Variants in WDFY4 observed in about 807,000 individuals in gnomAD.
WDFY4 encodes the protein WD repeat- and FYVE domain-containing protein 4.
Under a neutral mutation model 351.9 loss-of-function variants are expected in WDFY4, and 169 were observed. The ratio of observed to expected loss-of-function variants is 0.48; its 90% CI spans 0.42 to 0.55. WDFY4 has a LOEUF of 0.55. Ranked by LOEUF, WDFY4 falls within the 20% of genes least tolerant of loss-of-function variation. WDFY4 has a pLI of 0.00. For missense variants in WDFY4, 3,803 were observed against 3,935.6 expected (o/e 0.97, Z 0.90); for synonymous variants, 1,622 against 1,574.6 (o/e 1.03, Z -0.71).
chr10:48,957,067 T>G, intron 51 of WDFY4, 62 bp from the exon 52 acceptor site: 1 of 1,524,228 alleles, frequency 6.6e-7, no homozygotes, highest in South Asian at 1.2e-5. Context: ...GAATGGACGG[T>G]GCCTGGCCAG....
In WDFY4 at chr10:48,805,306, C is replaced by T. The variant is rs1240126749; in HGVS notation, c.4531C>T (p.Pro1511Ser). The T allele has an allele frequency of 2.6e-6, 4 of 1,547,554 alleles. No homozygotes were observed. Among genetic ancestry groups the T allele is most frequent in the Admixed American group, 2.0e-5 (1 of 50,976 alleles). Reference protein sequence around the residue: ...AEAAHQAQLIPKLIFLFNEPS... With the variant: ...AEAAHQAQLISKLIFLFNEPS... ...AGCTGCCCACCAGGCACAGCTTATA[C>T]CCAAGCTCATCTTCCTATTCAATGA... The change falls in exon 26 of 62, where the codon CCC (proline) becomes TCC (serine). Residue 1511 changes from proline (P) to serine (S), a missense_variant. Pro to Ser is a moderately conservative substitution (Grantham distance 74, BLOSUM62 -1). Coordinates refer to ENST00000325239, the MANE Select transcript of WDFY4 (RefSeq NM_001394531.1).
At chr10:48,818,963 C>T (rs1251390860) in intron 32 of WDFY4, among the ~76,000 whole-genome samples, 2 of 152,202 alleles carry the variant, frequency 1.3e-5, no homozygotes, top group Non-Finnish European at 2.9e-5. Context: ...AGGTTTTCTG[C>T]AGGGGTCCAG....
chr10:48,878,988 A>G (rs2620879), intron 43 of WDFY4, among the ~76,000 whole-genome samples: 9,132 of 152,334 alleles, frequency 0.06, 577 homozygotes, highest in African/African-American at 0.17. Context: ...ATTAAAATAT[A>G]TAACACATGT....
At position 48,982,545 on chromosome 10, in the gene WDFY4, G is replaced by A; in HGVS notation, c.9525G>A (p.Gly3175=). ...AACTCCTGGTTGGTGATGAGAGGGG[G>A]AGAATATTCTGCTGGTCTGCAGATG... The part of the protein sequence containing the change: ...HTKLLVGDER[G]RIFCWSADG Residue 3175 remains glycine, a synonymous_variant, in exon 62 of 62, where the codon GGG becomes GGA. Coordinates refer to ENST00000325239, the MANE Select transcript of WDFY4 (RefSeq NM_001394531.1). 1.2e-5 allele frequency: 19 copies of A among 1,541,130 alleles called. No homozygotes were observed. Among genetic ancestry groups the A allele is most frequent in the Non-Finnish European group, 1.7e-5 (19 of 1,140,276 alleles).
chr10:48,711,071 T>C (rs1456760124), intron 2 of WDFY4, among the ~76,000 whole-genome samples: 1 of 152,258 alleles, frequency 6.6e-6, no homozygotes, highest in Non-Finnish European at 1.5e-5. Context: ...CTATGGCAGA[T>C]GGAGGCTTTG....
At chr10:48,721,145 A>G in intron 3 of WDFY4, 116 bp from the exon 4 acceptor site, 1 of 961,302 alleles carries the variant, frequency 1.0e-6, no homozygotes, top group South Asian at 1.5e-5. Flanking sequence ...TGTAGGCAAG[A>G]TGCCAAAGTC....
chr10:48,958,324 A>G (rs2133826917), intron 52 of WDFY4, among the ~76,000 whole-genome samples: 1 of 152,330 alleles, frequency 6.6e-6, no homozygotes, highest in African/African-American at 2.4e-5. Context: ...AGAAGTGAAC[A>G]AATTCAAAGG....
chr10:48,811,737 C>A (rs566910274), intron 30 of WDFY4, 29 bp downstream of exon 30: 3 of 1,546,472 alleles, frequency 1.9e-6, no homozygotes, highest in East Asian at 4.9e-5. Context: ...CACAGGGTGA[C>A]ACACTTGGTT....
chr10:48,821,780 TC>T (rs1435922815), intron 34 of WDFY4, among the ~76,000 whole-genome samples: 1 of 152,198 alleles, frequency 6.6e-6, no homozygotes, highest in African/African-American at 2.4e-5. Flanking sequence ...ATGATCCTTC[TC>T]ATGGAGAGAC....
intron 6 of WDFY4, among the ~76,000 whole-genome samples, chr10:48,726,563 G>T (rs1342500971): frequency 6.6e-6 from 1 of 152,168 alleles, no homozygotes; most frequent in African/African-American, 2.4e-5. Flanking sequence ...AGGGGTTAAG[G>T]CCAAAGACTC....
chr10:48,938,941 C>T (rs948327503), intron 47 of WDFY4, among the ~76,000 whole-genome samples: 2 of 152,170 alleles, frequency 1.3e-5, no homozygotes, highest in African/African-American at 4.8e-5. Context: ...CCAATAAGGC[C>T]AGGCCGGGTA....
At chr10:48,772,933 A>T (rs1249494164) in intron 13 of WDFY4, among the ~76,000 whole-genome samples, 1 of 150,706 alleles carries the variant, frequency 6.6e-6, no homozygotes, top group East Asian at 2.0e-4. Context: ...CATTTTCTTA[A>T]TCCAGTCTAT....
intron 13 of WDFY4, among the ~76,000 whole-genome samples, chr10:48,770,465 G>T (rs1395895596): frequency 1.3e-5 from 2 of 152,038 alleles, no homozygotes; most frequent in African/African-American, 4.8e-5. Flanking sequence ...TTTGCCTTTT[G>T]GTTCATACAG....
At chr10:48,779,906 C>G in intron 18 of WDFY4, 35 bp from the exon 19 acceptor site, 1 of 1,549,628 alleles carries the variant, frequency 6.5e-7, no homozygotes, top group Non-Finnish European at 8.7e-7. Flanking sequence ...AGTGTAGCAC[C>G]ACACGTGAGA....
At chr10:48,898,212 T>C (rs1271529488) in intron 45 of WDFY4, among the ~76,000 whole-genome samples, 2 of 152,162 alleles carry the variant, frequency 1.3e-5, no homozygotes, top group Non-Finnish European at 2.9e-5. Flanking sequence ...CTCCCACTTC[T>C]CATCCCACTT....
intron 1 of WDFY4, 117 bp from the exon 2 acceptor site, chr10:48,709,598 CT>C: frequency 1.2e-6 from 1 of 853,006 alleles, no homozygotes. Context: ...GTTTCAGATT[CT>C]TAGGGGAACC....
intron 1 of WDFY4, among the ~76,000 whole-genome samples, chr10:48,702,307 G>A (rs1290013522): frequency 2.6e-5 from 4 of 152,056 alleles, no homozygotes; most frequent in African/African-American, 9.7e-5. Flanking sequence ...TGACTCCAAA[G>A]CCCACACACT....
chr10:48,719,694 C>CA (rs1027801821), intron 2 of WDFY4, among the ~76,000 whole-genome samples: 1 of 152,214 alleles, frequency 6.6e-6, no homozygotes, highest in African/African-American at 2.4e-5. Flanking sequence ...CCTATGGGGG[C>CA]AGCAGGCACC....
chr10:48,875,139 A>T lies in WDFY4; in HGVS notation c.6999A>T (p.Gln2333His). ...DHISQTNAEN[Q>H]DELTLREAEG... ...TTTCTCAAACAAATGCTGAAAACCA[A>T]GGTATTCAGTTTATCTATTTTTTCC... The change falls in exon 42 of 62, where the codon CAA (glutamine) becomes CAT (histidine). Residue 2333 changes from glutamine to histidine, a missense_variant and splice_region_variant. By Grantham distance (24) the Gln-to-His change is conservative (BLOSUM62 0). This residue lies in a region of WDFY4 where 3,054 missense variants were observed against 3,148.6 expected (regional missense o/e 0.97). Transcript: ENST00000325239. 1 of 1,469,696 alleles carries T rather than the reference A, an allele frequency of 6.8e-7. No individual in the cohort carries two copies. Among genetic ancestry groups the T allele is most frequent in the Non-Finnish European group, 9.0e-7 (1 of 1,105,632 alleles). The allele number at this position is 1,469,696 out of a possible 1,614,324, so 91.0% of individuals were successfully genotyped here. A position where few individuals can be genotyped will look rare whatever the true frequency, so the allele number is the denominator to read the frequency against.
Sources: gnomAD v4.1 joint callset for allele counts (sites outside exome capture counted in the v4.1 genomes callset) on GRCh38, gnomAD v4.1.1 for gene constraint, gnomAD v4.1.1 regional missense constraint, MANE v1.5 for transcripts, NCBI Gene and HGNC (gene_info 2026-07-23, HGNC 2026-07-21) for gene names.